The following DNA2 variants were observed in gnomAD, a reference collection of about 807,000 sequenced individuals.
DNA2 encodes DNA replication ATP-dependent helicase/nuclease DNA2.
DNA2 carries 101 observed loss-of-function variants against 119.1 expected under a neutral mutation model. The ratio of observed to expected loss-of-function variants is 0.85; its 90% CI spans 0.72 to 1.00. The LOEUF (loss-of-function observed/expected upper bound fraction) is 1.00. Among genes scored for constraint, DNA2 ranks in the 50% least tolerant of loss-of-function variants. The probability of loss-of-function intolerance (pLI) is 0.00; values close to 1 mark genes in which losing one functional copy is unlikely to be tolerated. For missense variants in DNA2, 1,121 were observed against 1,255.5 expected (o/e 0.89, Z 1.62); for synonymous variants, 366 against 424.4 (o/e 0.86, Z 1.69).
chr10:68,442,737 G>C (rs2051986400), intron 9 of DNA2, among the ~76,000 whole-genome samples, 180 bp downstream of exon 9: 1 of 152,170 alleles, frequency 6.6e-6, no homozygotes, highest in Non-Finnish European at 1.5e-5. Context: ...CAGCACATAG[G>C]ATACACAGGA....
At chr10:68,465,110 C>G (rs577510205) in intron 4 of DNA2, among the ~76,000 whole-genome samples, 2 of 149,320 alleles carry the variant, frequency 1.3e-5, no homozygotes, top group Admixed American at 6.7e-5. Flanking sequence ...GCTCTACCTC[C>G]CGGGTTCACA....
chr10:68,459,935 G>A (rs986162103), intron 4 of DNA2, among the ~76,000 whole-genome samples: 12 of 151,876 alleles, frequency 7.9e-5, no homozygotes, highest in Middle Eastern at 3.4e-3. Flanking sequence ...GCTGAGGCAG[G>A]AGAATTGCTG....
At chr10:68,446,193 C>A in intron 7 of DNA2, 103 bp downstream of exon 7, 3 of 635,786 alleles carry the variant, frequency 4.7e-6, no homozygotes, top group Middle Eastern at 2.8e-4. Context: ...AAATTATAAC[C>A]TATTAAGTGC....
In DNA2 at chr10:68,431,858, T is replaced by G. The variant is rs750808724; in HGVS notation, c.1983+4A>C. On this transcript the variant is annotated splice_donor_region_variant and intron_variant, in intron 13 of 20. Coordinates refer to ENST00000358410, the MANE Select transcript of DNA2 (RefSeq NM_001080449.3). ...GTCTCTAAGCAGAAGAATAATAACC[T>G]TACGAGAGTACATATCGTAGTTGTT... The G allele has an allele frequency of 1.3e-6, 2 of 1,587,198 alleles. No individual in the cohort carries two copies. The highest frequency in any genetic ancestry group is 1.7e-6 in the Non-Finnish European group (2 of 1,156,662).
At chr10:68,416,937 C>T in intron 19 of DNA2, 82 bp from the exon 20 acceptor site, 2 of 1,249,738 alleles carry the variant, frequency 1.6e-6, no homozygotes, top group South Asian at 1.5e-5. Flanking sequence ...CAATGGACAC[C>T]TGTGCAAATT....
chr10:68,422,955 T>G (rs1368184770), intron 14 of DNA2, 65 bp from the exon 15 acceptor site: 4 of 1,249,030 alleles, frequency 3.2e-6, no homozygotes, highest in Non-Finnish European at 4.4e-6. Context: ...GTTTCTCTCA[T>G]TTTTGAAATG....
rs1410898626 is a variant in DNA2 at position 68,468,126 on chromosome 10, A to G, written c.438T>C (p.Phe146=). 6.4e-7 allele frequency: 1 copy of G among 1,566,094 alleles called. No homozygotes were observed. Among genetic ancestry groups the G allele is most frequent in the Admixed American group, 1.9e-5 (1 of 52,914 alleles). Residue 146 remains phenylalanine, a synonymous_variant, in exon 3 of 21, where the codon TTT becomes TTC. Transcript: ENST00000358410. ...ATTAACTGTTACTATTATTTACCCT[A>G]AAAGTTTCACTCAGGACAGCTCTTC... ...CMRRAVLSET[F]RSSDPATRQM... is the part of the protein sequence containing the mutation.
intron 6 of DNA2, among the ~76,000 whole-genome samples, chr10:68,447,709 C>T (rs986689505): frequency 2.0e-5 from 3 of 151,286 alleles, no homozygotes; most frequent in Non-Finnish European, 1.5e-5. Flanking sequence ...AAAGGCCGGG[C>T]GCAGTGGTTC....
At chr10:68,424,766 G>T (rs186465483) in intron 14 of DNA2, 1 of 1,392,318 alleles carries the variant, frequency 7.2e-7, no homozygotes, top group Admixed American at 1.7e-5. Flanking sequence ...AAATTGGCAA[G>T]GTAGTCCAGG....
In DNA2 at chr10:68,416,402, G is replaced by A. The variant is rs111333451; in HGVS notation, c.3114+307C>T. 0.067 allele frequency among the ~76,000 whole-genome samples: 10,157 copies of A among 152,166 alleles called. 454 individuals are homozygous for A. The highest frequency in any genetic ancestry group is 0.099 in the Non-Finnish European group (6,716 of 67,994). On this transcript the variant is annotated intron_variant, in intron 20 of 20. Transcript: ENST00000358410. The stretch of plus-strand genomic sequence containing the variant: ...GATCACTTTAGCCTGGGAGATTGAG[G>A]GTGCAGTGAGCTCTGATCATATCAC...
At chr10:68,453,754 C>A (rs1342758279) in intron 5 of DNA2, among the ~76,000 whole-genome samples, 4 of 152,146 alleles carry the variant, frequency 2.6e-5, no homozygotes, top group African/African-American at 9.7e-5. Context: ...CTAGAGGCAA[C>A]GGGCTATACC....
Position 68,450,107 on chromosome 10 carries a change from C to G in DNA2, c.860G>C (p.Gly287Ala). The change falls in exon 6 of 21, where the codon GGG becomes GCG. Residue 287 changes from glycine to alanine, a missense_variant. Gly to Ala is a moderately conservative substitution (Grantham distance 60). Transcript: ENST00000358410. ...CATTATCTTGTATTTTGTTTTATACCCTCGATGTATTTTCACACCAACTGT... is the reference window on the plus strand; with the variant it reads ...CATTATCTTGTATTTTGTTTTATACGCTCGATGTATTTTCACACCAACTGT... ...DVTVGVKIHR[G>A]YKTKYKIMPL... is the part of the protein sequence containing the mutation. The G allele has an allele frequency of 6.2e-7, 1 of 1,603,084 alleles. No individual in the cohort carries two copies. The highest frequency in any genetic ancestry group is 8.5e-7 in the Non-Finnish European group (1 of 1,174,308).
chr10:68,441,385 ACTATT>A (rs1293879293), intron 9 of DNA2, among the ~76,000 whole-genome samples: 3 of 151,816 alleles, frequency 2.0e-5, no homozygotes, highest in African/African-American at 7.3e-5. Context: ...GGTACATATT[ACTATT>A]ATTTTTTTAA....
At chr10:68,440,285 T>A (rs1339502385) in intron 9 of DNA2, among the ~76,000 whole-genome samples, 1 of 151,700 alleles carries the variant, frequency 6.6e-6, no homozygotes, top group Admixed American at 6.6e-5. Flanking sequence ...AGAGTAAGAC[T>A]TTTTTATTTT....
Position 68,414,964 on chromosome 10 carries a change from G to C in DNA2, c.*75C>G. The stretch of plus-strand genomic sequence containing the variant: ...TAAATACTGCATTAAATTTTGTATG[G>C]TGATAGAATTTTCTGTATGGGCACT... On this transcript the variant is annotated 3_prime_UTR_variant, in exon 21 of 21. Coordinates refer to ENST00000358410, the MANE Select transcript of DNA2 (RefSeq NM_001080449.3). The C allele has an allele frequency of 5.4e-6, 5 of 918,676 alleles. No individual in the cohort carries two copies. The highest frequency in any genetic ancestry group is 8.3e-6 in the Non-Finnish European group (5 of 601,796). 56.9% of individuals were successfully genotyped at this position (918,676 alleles called of 1,614,324 possible).
chr10:68,446,413 C>T lies in DNA2; in HGVS notation c.940G>A (p.Val314Ile). 1 of 1,557,384 alleles carries T rather than the reference C, an allele frequency of 6.4e-7. No individual in the cohort carries two copies. Among genetic ancestry groups the T allele is most frequent in the African/African-American group, 1.4e-5 (1 of 73,654 alleles). ...ESNSIEHRSQVVLYTLLSQER... is the reference protein window; with the variant it reads ...ESNSIEHRSQIVLYTLLSQER... The stretch of plus-strand genomic sequence containing the variant: ...TGGCTTAGTAGAGTGTACAGAACAA[C>T]CTGTGCAAACATTGACATTTGCTCA... Residue 314 changes from valine (V) to isoleucine (I), a missense_variant and splice_region_variant, in exon 7 of 21, where the codon GTT (valine) becomes ATT (isoleucine). Coordinates refer to ENST00000358410, the MANE Select transcript of DNA2 (RefSeq NM_001080449.3).
At position 68,443,090 on chromosome 10, in the gene DNA2, A is replaced by G; in HGVS notation, c.1242T>C (p.Asp414=). The G allele has an allele frequency of 6.4e-7, 1 of 1,573,424 alleles. No homozygotes were observed. The highest frequency in any genetic ancestry group is 8.6e-7 in the Non-Finnish European group (1 of 1,158,334). Residue 414 remains aspartate, a synonymous_variant, in exon 9 of 21, where the codon GAT becomes GAC. Coordinates refer to ENST00000358410, the MANE Select transcript of DNA2 (RefSeq NM_001080449.3). ...GCATCACAATTGGGACTGAACTACA[A>G]TCCATCTGTTGTTCAACTGCTCTAA... The part of the protein sequence containing the change: ...LYSRAVEQQM[D]CSSVPIVMLP...
Position 68,422,444 on chromosome 10 carries a change from A to T in DNA2, c.2493-15T>A. On this transcript the variant is annotated splice_polypyrimidine_tract_variant and intron_variant, in intron 16 of 20. Transcript: ENST00000358410. Reference sequence around the variant, plus strand: ...ACATAATTTTACTAAGGGAATTACAAAAGATAACTTTAGTTTTGGTAGATG... The same window carrying T: ...ACATAATTTTACTAAGGGAATTACATAAGATAACTTTAGTTTTGGTAGATG... 1 of 1,613,054 alleles carries T rather than the reference A, an allele frequency of 6.2e-7. No individual in the cohort carries two copies.
At chr10:68,453,422 T>C (rs1219646658) in intron 5 of DNA2, among the ~76,000 whole-genome samples, 4 of 151,928 alleles carry the variant, frequency 2.6e-5, no homozygotes, top group Non-Finnish European at 4.4e-5. Flanking sequence ...GAACATCGTT[T>C]CTAAGATACT....
Sources: allele counts gnomAD v4.1 joint callset (sites outside exome capture counted in the v4.1 genomes callset), GRCh38; gene constraint gnomAD v4.1.1; transcripts MANE v1.5; gene names NCBI Gene and HGNC (gene_info 2026-07-23, HGNC 2026-07-21).